The following SYT16 variants were observed in gnomAD, a reference collection of about 807,000 sequenced individuals.
The protein encoded by SYT16 is synaptotagmin 16.
SYT16 carries 42 observed loss-of-function variants against 61.4 expected under a neutral mutation model. The observed-to-expected ratio is 0.68, with a 90% CI of 0.53 to 0.89. The LOEUF (loss-of-function observed/expected upper bound fraction) is 0.89, where lower values mean the gene tolerates loss of function less well. SYT16 is among the 40% of genes least tolerant of loss of function. The pLI is 0.00. For synonymous variants in SYT16, 314 were observed against 302.3 expected (o/e 1.04, Z -0.40); for missense variants, 804 against 807.3 (o/e 1.00, Z 0.05).
intron 1 of SYT16, among the ~76,000 whole-genome samples, chr14:61,898,167 A>T (rs557811224): frequency 6.6e-6 from 1 of 152,342 alleles, no homozygotes; most frequent in African/African-American, 2.4e-5. Context: ...CAGAAGAGTG[A>T]AACAAAGGTT....
chr14:61,971,141 A>C (rs2051536481), intron 2 of SYT16, among the ~76,000 whole-genome samples: 1 of 152,136 alleles, frequency 6.6e-6, no homozygotes, highest in African/African-American at 2.4e-5. Flanking sequence ...CTGATATGGC[A>C]GCTTTTGTAG....
At chr14:61,825,556 G>T (rs1042825378) in intron 1 of SYT16, among the ~76,000 whole-genome samples, 3 of 152,094 alleles carry the variant, frequency 2.0e-5, no homozygotes, top group African/African-American at 7.2e-5. Flanking sequence ...GGTGGTGCGT[G>T]CCTGTAGTCC....
chr14:62,104,753 T>C lies in SYT16; in HGVS notation c.*4046T>C, dbSNP rs2057483866. 1 of 152,188 alleles carries C rather than the reference T, an allele frequency of 6.6e-6. No individual in the cohort carries two copies. Among genetic ancestry groups the C allele is most frequent in the Non-Finnish European group, 1.5e-5 (1 of 68,036 alleles). The allele number at this position is 152,188 out of a possible 1,614,324, so 9.4% of individuals were successfully genotyped here. A position where few individuals can be genotyped will look rare whatever the true frequency, so the allele number is the denominator to read the frequency against. On this transcript the variant is annotated 3_prime_UTR_variant, in exon 8 of 8. Coordinates refer to ENST00000683842, the MANE Select transcript of SYT16 (RefSeq NM_001367656.1). Reference sequence around the variant, plus strand: ...GGCCTGGGTTTACATGAAACTCTGCTGTGTGGCCTTAAGAAAATTACTTAG... The same window carrying C: ...GGCCTGGGTTTACATGAAACTCTGCCGTGTGGCCTTAAGAAAATTACTTAG...
chr14:62,035,098 A>G (rs760942997), intron 3 of SYT16, among the ~76,000 whole-genome samples: 94 of 152,090 alleles, frequency 6.2e-4, no homozygotes, highest in Non-Finnish European at 8.1e-4. Context: ...TGGAAGGGTA[A>G]TTTTTGAGTA....
intron 7 of SYT16, among the ~76,000 whole-genome samples, chr14:62,090,013 T>C (rs2057016548): frequency 6.6e-6 from 1 of 152,236 alleles, no homozygotes; most frequent in African/African-American, 2.4e-5. Flanking sequence ...CTTCATGGCC[T>C]CAACATTTGA....
intron 2 of SYT16, among the ~76,000 whole-genome samples, chr14:61,979,166 T>A (rs1050319635): frequency 1.3e-5 from 2 of 152,126 alleles, no homozygotes; most frequent in African/African-American, 4.8e-5. Context: ...TAAAAATAGA[T>A]AGTATAGTAG....
At chr14:62,079,951 G>C (rs752822551) in intron 5 of SYT16, among the ~76,000 whole-genome samples, 1 of 152,154 alleles carries the variant, frequency 6.6e-6, no homozygotes, top group Non-Finnish European at 1.5e-5. Context: ...TATGCAGTCT[G>C]GTCTAAGCCA....
At chr14:61,857,445 A>G (rs2046811753) in intron 1 of SYT16, among the ~76,000 whole-genome samples, 1 of 152,232 alleles carries the variant, frequency 6.6e-6, no homozygotes, top group African/African-American at 2.4e-5. Flanking sequence ...TACCATAGAA[A>G]GTGTCTACTT....
At chr14:61,892,685 A>G (rs1336062892) in intron 1 of SYT16, among the ~76,000 whole-genome samples, 1 of 152,132 alleles carries the variant, frequency 6.6e-6, no homozygotes, top group Non-Finnish European at 1.5e-5. Flanking sequence ...TTTAGAACCG[A>G]TGGGGGGTGG....
chr14:62,054,360 G>GTTGTGTTTTTTTTT (rs1411904235), intron 3 of SYT16, among the ~76,000 whole-genome samples: 15 of 118,292 alleles, frequency 1.3e-4, no homozygotes, highest in Admixed American at 6.2e-4. Context: ...AGTGAAGTGA[G>GTTGTGTTTTTTTTT]TTTTTTTTTT....
intron 3 of SYT16, among the ~76,000 whole-genome samples, chr14:62,057,169 A>G (rs1046148174): frequency 6.6e-6 from 1 of 152,164 alleles, no homozygotes; most frequent in Non-Finnish European, 1.5e-5. Context: ...TGCCTTTCCC[A>G]GTTCACTCAC....
chr14:62,003,027 A>G (rs114656766), intron 3 of SYT16, among the ~76,000 whole-genome samples: 1,900 of 152,150 alleles, frequency 0.012, 43 homozygotes, highest in African/African-American at 0.044. Context: ...AACCACCCCC[A>G]TGATTCAGTT....
At position 62,110,114 on chromosome 14, in the gene SYT16, G is replaced by T. The variant is rs1252294530; in HGVS notation, c.*9407G>T. ...GACTGCCCTTTGCTTTGTAGCTACA[G>T]CAACTTGCAGAACCTGGCATTATTG... On this transcript the variant is annotated 3_prime_UTR_variant, in exon 8 of 8. Transcript: ENST00000683842. 1.3e-5 allele frequency: 2 copies of T among 152,138 alleles called. No homozygotes were observed. The highest frequency in any genetic ancestry group is 4.8e-5 in the African/African-American group (2 of 41,452). The allele number at this position is 152,138 out of a possible 1,614,324, so 9.4% of individuals were successfully genotyped here.
chr14:61,968,133 T>C (rs1486162472), intron 1 of SYT16, among the ~76,000 whole-genome samples: 1 of 152,086 alleles, frequency 6.6e-6, no homozygotes, highest in Non-Finnish European at 1.5e-5. Context: ...TGGTGGCGCA[T>C]GCCTGAAATC....
intron 1 of SYT16, among the ~76,000 whole-genome samples, chr14:61,848,004 G>A (rs995857525): frequency 5.3e-5 from 8 of 152,114 alleles, no homozygotes; most frequent in Non-Finnish European, 1.2e-4. Context: ...ACAGCTATTG[G>A]ATTTTCTGTC....
chr14:62,052,588 G>A (rs1222392077), intron 3 of SYT16, among the ~76,000 whole-genome samples: 1 of 152,024 alleles, frequency 6.6e-6, no homozygotes, highest in East Asian at 1.9e-4. Context: ...GTGTTTGTGG[G>A]GTGTTATGCA....
chr14:62,013,936 C>T (rs1036486683), intron 3 of SYT16, among the ~76,000 whole-genome samples: 1 of 151,866 alleles, frequency 6.6e-6, no homozygotes, highest in Non-Finnish European at 1.5e-5. Flanking sequence ...TGCACTCCAG[C>T]CTGCGCAACA....
intron 3 of SYT16, among the ~76,000 whole-genome samples, chr14:62,012,012 C>A (rs201622872): frequency 0.026 from 1,263 of 48,218 alleles, 20 homozygotes; most frequent in African/African-American, 0.085. Flanking sequence ...AAAAAAAAAA[C>A]AACCTCTCAT....
chr14:62,066,460 A>C (rs1371256264), intron 3 of SYT16, among the ~76,000 whole-genome samples: 1 of 152,246 alleles, frequency 6.6e-6, no homozygotes, highest in African/African-American at 2.4e-5. Context: ...CATAATGAGC[A>C]CTCAGTAAGT....
Sources: gnomAD v4.1 joint callset for allele counts (sites outside exome capture counted in the v4.1 genomes callset) on GRCh38, gnomAD v4.1.1 for gene constraint, MANE v1.5 for transcripts, NCBI Gene and HGNC (gene_info 2026-07-23, HGNC 2026-07-21) for gene names.